SLC25A26: variants seen among roughly 807,000 people sequenced by gnomAD.
SLC25A26 encodes the protein mitochondrial S-adenosylmethionine carrier protein.
Under a neutral mutation model 37.8 loss-of-function variants are expected in SLC25A26, and 36 were observed. The observed-to-expected ratio is 0.95, with a 90% CI of 0.73 to 1.26. The LOEUF (loss-of-function observed/expected upper bound fraction) is 1.26. Among genes scored for constraint, SLC25A26 ranks in the 50% most tolerant of loss-of-function variants. The pLI is 0.00. For synonymous variants in SLC25A26, 129 were observed against 122.5 expected, an observed-to-expected ratio of 1.05 and a Z score of -0.35; for missense variants, 390 against 331.1, an observed-to-expected ratio of 1.18 and a Z score of -1.38.
At chr3:66,277,262 C>T (rs1157910739) in intron 5 of SLC25A26, among the ~76,000 whole-genome samples, 3 of 152,084 alleles carry the variant, frequency 2.0e-5, no homozygotes, top group Non-Finnish European at 4.4e-5. Flanking sequence ...ACCAGACATT[C>T]TGATTTCATC....
chr3:66,290,186 G>C (rs1286952552), intron 5 of SLC25A26, among the ~76,000 whole-genome samples: 3 of 152,180 alleles, frequency 2.0e-5, no homozygotes, highest in Non-Finnish European at 4.4e-5. Context: ...TTTTGCTGAA[G>C]TTGCTTATCA....
chr3:66,147,383 G>A (rs1004209111), intron 1 of SLC25A26, among the ~76,000 whole-genome samples: 5 of 151,512 alleles, frequency 3.3e-5, no homozygotes, highest in South Asian at 2.1e-4. Flanking sequence ...GGCTGGTCTC[G>A]AACTCCTGGC....
At chr3:66,285,148 A>G (rs963038313) in intron 5 of SLC25A26, among the ~76,000 whole-genome samples, 2 of 152,222 alleles carry the variant, frequency 1.3e-5, no homozygotes, top group Non-Finnish European at 2.9e-5. Flanking sequence ...AACAATCCAT[A>G]TGAATTATAT....
chr3:66,358,448 G>A (rs954914926), intron 6 of SLC25A26, among the ~76,000 whole-genome samples: 3 of 152,138 alleles, frequency 2.0e-5, no homozygotes, highest in Non-Finnish European at 2.9e-5. Flanking sequence ...CATTCACTTG[G>A]ATATTTTAAG....
At chr3:66,135,050 C>T (rs575091999) in intron 1 of SLC25A26, among the ~76,000 whole-genome samples, 3 of 152,128 alleles carry the variant, frequency 2.0e-5, no homozygotes, top group South Asian at 2.1e-4. Flanking sequence ...AGGCTGGTCT[C>T]GAACTCCTGA....
intron 1 of SLC25A26, among the ~76,000 whole-genome samples, chr3:66,185,170 T>A (rs961779616): frequency 0.36 from 55,031 of 152,004 alleles, 11,034 homozygotes; most frequent in East Asian, 0.56. Flanking sequence ...GTCTCTATAA[T>A]TTTGAGTAAT....
chr3:66,376,833 G>C (rs1197110635), intron 9 of SLC25A26, among the ~76,000 whole-genome samples: 4 of 152,084 alleles, frequency 2.6e-5, no homozygotes, highest in Non-Finnish European at 5.9e-5. Flanking sequence ...TTCAGTTTAG[G>C]GCTTAAGACA....
chr3:66,357,714 TA>T (rs879774477), intron 6 of SLC25A26, among the ~76,000 whole-genome samples: 165 of 144,492 alleles, frequency 1.1e-3, no homozygotes, highest in Middle Eastern at 3.6e-3. Flanking sequence ...GGCAGATTCT[TA>T]AAAAAAAAAA....
chr3:66,157,682 T>C (rs2070302659), intron 1 of SLC25A26, among the ~76,000 whole-genome samples: 1 of 152,216 alleles, frequency 6.6e-6, no homozygotes, highest in Non-Finnish European at 1.5e-5. Flanking sequence ...CATAGAGGCT[T>C]CCAACAAAAT....
intron 5 of SLC25A26, among the ~76,000 whole-genome samples, chr3:66,329,289 T>C (rs756991868): frequency 2.0e-5 from 3 of 152,238 alleles, no homozygotes; most frequent in Non-Finnish European, 4.4e-5. Context: ...AATTTCTTTT[T>C]AATGTGTCAT....
At chr3:66,241,066 G>A (rs934612872) in intron 2 of SLC25A26, among the ~76,000 whole-genome samples, 6 of 151,870 alleles carry the variant, frequency 4.0e-5, no homozygotes, top group African/African-American at 1.2e-4. Flanking sequence ...TAATTTTTTG[G>A]TATTTCTAGG....
At chr3:66,348,593 A>G (rs978542307) in intron 6 of SLC25A26, among the ~76,000 whole-genome samples, 1 of 152,232 alleles carries the variant, frequency 6.6e-6, no homozygotes, top group African/African-American at 2.4e-5. Flanking sequence ...CATTTTGAAG[A>G]GTATCATAAA....
chr3:66,218,096 A>C (rs1362344734), upstream of SLC25A26, among the ~76,000 whole-genome samples: 1 of 105,982 alleles, frequency 9.4e-6, no homozygotes, highest in East Asian at 2.5e-4. Flanking sequence ...GTGGAATCAC[A>C]ATACATGTGG....
chr3:66,175,107 GTGTATATATA>G (rs1459017832), intron 1 of SLC25A26, among the ~76,000 whole-genome samples: 16 of 80,544 alleles, frequency 2.0e-4, no homozygotes, highest in South Asian at 1.2e-3. Context: ...ATATGTGTGT[GTGTATATATA>G]TATATATATA....
At chr3:66,189,110 T>C (rs2070886892) in intron 1 of SLC25A26, among the ~76,000 whole-genome samples, 1 of 152,154 alleles carries the variant, frequency 6.6e-6, no homozygotes, top group African/African-American at 2.4e-5. Context: ...ATCCTGATCC[T>C]AAACCTCACC....
chr3:66,362,613 G>T (rs992029401), intron 6 of SLC25A26, among the ~76,000 whole-genome samples: 4 of 152,134 alleles, frequency 2.6e-5, no homozygotes, highest in Admixed American at 6.5e-5. Context: ...TTTTGTGTGC[G>T]TGCACACACA....
chr3:66,213,386 C>CAAGACTCT (rs1390246545), intron 1 of SLC25A26, among the ~76,000 whole-genome samples: 4,018 of 85,406 alleles, frequency 0.047, 122 homozygotes, highest in Middle Eastern at 0.14. Context: ...GGAAACAGAG[C>CAAGACTCT]AAGACTCTGT....
At chr3:66,135,012 G>A (rs1387360958) in intron 1 of SLC25A26, among the ~76,000 whole-genome samples, 1 of 151,892 alleles carries the variant, frequency 6.6e-6, no homozygotes, top group African/African-American at 2.4e-5. Flanking sequence ...TGTATTTTTA[G>A]TACAGACGGG....
chr3:66,251,069 G>T (rs937637146), intron 3 of SLC25A26, among the ~76,000 whole-genome samples: 2 of 152,102 alleles, frequency 1.3e-5, no homozygotes, highest in African/African-American at 4.8e-5. Context: ...GTGCAAGGAG[G>T]GGTGTTAGAG....
Sources: allele counts gnomAD v4.1 joint callset (sites outside exome capture counted in the v4.1 genomes callset), GRCh38; gene constraint gnomAD v4.1.1; transcripts MANE v1.5; gene names NCBI Gene and HGNC (gene_info 2026-07-23, HGNC 2026-07-21).